BEND3: variants seen among roughly 807,000 people sequenced by gnomAD.
BEND3 encodes the protein BEN domain-containing protein 3.
BEND3 carries 13 observed loss-of-function variants against 60.1 expected under a neutral mutation model. The observed-to-expected ratio is 0.22, with a 90% CI of 0.14 to 0.34. The LOEUF is 0.34. BEND3 is among the 10% of genes least tolerant of loss of function. The pLI, the probability that BEND3 is intolerant of heterozygous loss-of-function variation, is 1.00. For missense variants in BEND3, 896 were observed against 1,138.1 expected, an observed-to-expected ratio of 0.79 and a Z score of 3.06; for synonymous variants, 497 against 491.5, an observed-to-expected ratio of 1.01 and a Z score of -0.15.
chr6:107,112,481 G>C (rs189100697), intron 1 of BEND3, among the ~76,000 whole-genome samples: 1 of 152,174 alleles, frequency 6.6e-6, no homozygotes, highest in Non-Finnish European at 1.5e-5. Context: ...TGGGCATGGA[G>C]AAGGTAGGCG....
chr6:107,093,545 G>GGGT (rs1554235537), intron 3 of BEND3, among the ~76,000 whole-genome samples: 1 of 151,752 alleles, frequency 6.6e-6, no homozygotes, highest in Non-Finnish European at 1.5e-5. Flanking sequence ...AATCAAGACA[G>GGGT]GGTGGTACTG....
chr6:107,097,241 C>T (rs1408884637), intron 3 of BEND3, among the ~76,000 whole-genome samples: 1 of 151,826 alleles, frequency 6.6e-6, no homozygotes, highest in Non-Finnish European at 1.5e-5. Context: ...GTGGCACACG[C>T]TTATAATCCC....
chr6:107,103,309 A>G (rs781924754), intron 1 of BEND3, among the ~76,000 whole-genome samples: 3 of 152,182 alleles, frequency 2.0e-5, no homozygotes, highest in Non-Finnish European at 4.4e-5. Context: ...GAGGGTCACA[A>G]GCTCTGCTCC....
At chr6:107,078,788 C>A (rs1554233124) in intron 3 of BEND3, among the ~76,000 whole-genome samples, 1 of 150,594 alleles carries the variant, frequency 6.6e-6, no homozygotes, top group African/African-American at 2.5e-5. Flanking sequence ...CCCAGATTCT[C>A]TGCTTGTTCT....
chr6:107,097,027 A>G (rs1365188672), intron 3 of BEND3, among the ~76,000 whole-genome samples: 2 of 152,148 alleles, frequency 1.3e-5, no homozygotes, highest in African/African-American at 4.8e-5. Flanking sequence ...ATTAAATTAT[A>G]TAACTTAAAT....
At chr6:107,107,878 G>T (rs1433408971) in intron 1 of BEND3, among the ~76,000 whole-genome samples, 1 of 152,176 alleles carries the variant, frequency 6.6e-6, no homozygotes, top group Non-Finnish European at 1.5e-5. Context: ...GGAGGGAGGG[G>T]GATGAAACCA....
Position 107,068,499 on chromosome 6 carries a change from G to C in BEND3, c.*205C>G, listed in dbSNP as rs1774878485. 1.6e-6 allele frequency: 1 copy of C among 607,672 alleles called. No individual in the cohort carries two copies. Among genetic ancestry groups the C allele is most frequent in the African/African-American group, 1.9e-5 (1 of 53,774 alleles). 37.6% of individuals were successfully genotyped at this position (607,672 alleles called of 1,614,324 possible). A position where few individuals can be genotyped will look rare whatever the true frequency, so the allele number is the denominator to read the frequency against. On this transcript the variant is annotated 3_prime_UTR_variant, in exon 4 of 4. Coordinates refer to ENST00000369042, the MANE Select transcript of BEND3 (RefSeq NM_001367314.1). The surrounding 1 kb of genome is among the most constrained non-coding windows in gnomAD (Gnocchi z 5.8). Reference sequence around the variant, plus strand: ...CCCCGCCGGGGCACATAGGACAGAAGTTGTAAGTACAAGAGACCAAACTCA... The same window carrying C: ...CCCCGCCGGGGCACATAGGACAGAACTTGTAAGTACAAGAGACCAAACTCA...
At chr6:107,095,255 G>A (rs1554235811) in intron 3 of BEND3, among the ~76,000 whole-genome samples, 1 of 152,148 alleles carries the variant, frequency 6.6e-6, no homozygotes, top group African/African-American at 2.4e-5. Context: ...GGGAGGCTGA[G>A]GCAAGAGGAT....
chr6:107,105,761 A>C (rs1182715961), intron 1 of BEND3, among the ~76,000 whole-genome samples: 4 of 152,198 alleles, frequency 2.6e-5, no homozygotes, highest in Non-Finnish European at 5.9e-5. Context: ...TAGATCAGAG[A>C]TGTCCTCGCC....
At position 107,085,282 on chromosome 6, in the gene BEND3, C is replaced by T. The variant is rs139769756; in HGVS notation, c.240+13269G>A. 7.9e-5 allele frequency among the ~76,000 whole-genome samples: 12 copies of T among 152,278 alleles called. No individual in the cohort carries two copies. In the East Asian group the frequency reaches 1.9e-3, roughly 25 times the overall value. On this transcript the variant is annotated intron_variant, in intron 3 of 3. Transcript: ENST00000369042. The stretch of plus-strand genomic sequence containing the variant: ...CTGTAACACTCACTGTGAGGGTCCA[C>T]GGCTTCATTCTTGAAGTCAGTGAGA...
chr6:107,106,706 C>T (rs1285659502), intron 1 of BEND3, among the ~76,000 whole-genome samples: 1 of 152,088 alleles, frequency 6.6e-6, no homozygotes, highest in East Asian at 1.9e-4. Flanking sequence ...AACTCCTGGG[C>T]TCAGATGATT....
In BEND3 at chr6:107,115,391, C is replaced by T. The variant is rs1770248765; in HGVS notation, c.-313G>A. ...CCTCCGCCCCCACCCCCGGCCCGCCCCTCCCCCTCAGCGGGGCACACGCGG... is the reference window on the plus strand; with the variant it reads ...CCTCCGCCCCCACCCCCGGCCCGCCTCTCCCCCTCAGCGGGGCACACGCGG... On this transcript the variant is annotated 5_prime_UTR_variant, in exon 1 of 4. Coordinates refer to ENST00000369042, the MANE Select transcript of BEND3 (RefSeq NM_001367314.1). 1 of 148,978 alleles carries T rather than the reference C, an allele frequency of 6.7e-6. No individual in the cohort carries two copies. Among genetic ancestry groups the T allele is most frequent in the East Asian group, 2.0e-4 (1 of 5,128 alleles). The allele number at this position is 148,978 out of a possible 1,614,324, so 9.2% of individuals were successfully genotyped here. A position where few individuals can be genotyped will look rare whatever the true frequency, so the allele number is the denominator to read the frequency against.
At position 107,068,857 on chromosome 6, in the gene BEND3, C is replaced by A. The variant is rs782053137; in HGVS notation, c.2334G>T (p.Arg778=). 6.2e-7 allele frequency: 1 copy of A among 1,614,020 alleles called. No individual in the cohort carries two copies. The highest frequency in any genetic ancestry group is 8.5e-7 in the Non-Finnish European group (1 of 1,180,038). The part of the protein sequence containing the change: ...NKKQLDPTRL[R]LIRHYVEAVY... ...CGGCTTCCACGTAGTGGCGGATGAG[C>A]CGCAGCCGCGTGGGGTCCAGTTGCT... is the stretch of plus-strand genomic sequence containing the variant. The change falls in exon 4 of 4, where the codon CGG becomes CGT. Residue 778 remains arginine (R), a synonymous_variant. Transcript: ENST00000369042. The surrounding 1 kb of genome is among the most constrained non-coding windows in gnomAD (Gnocchi z 5.8).
Position 107,115,275 on chromosome 6 carries a change from CG to C in BEND3, c.-198del, listed in dbSNP as rs1472979117. On this transcript the variant is annotated 5_prime_UTR_variant, in exon 1 of 4. An upstream open reading frame in the 5' UTR gains an earlier in-frame stop. Transcript: ENST00000369042. The stretch of plus-strand genomic sequence containing the variant: ...ATTTTCCCCTCTCTTTGTGTGTGTC[CG>C]TGCGCTGCGCTCTCGCGTGACGTGA... The C allele has an allele frequency of 6.0e-5, 9 of 149,668 alleles. No homozygotes were observed. The highest frequency in any genetic ancestry group is 2.2e-4 in the African/African-American group (9 of 41,114). 9.3% of individuals were successfully genotyped at this position (149,668 alleles called of 1,614,324 possible).
Position 107,068,591 on chromosome 6 carries a change from A to G in BEND3, c.*113T>C. On this transcript the variant is annotated 3_prime_UTR_variant, in exon 4 of 4. Transcript: ENST00000369042. The surrounding 1 kb of genome is among the most constrained non-coding windows in gnomAD (Gnocchi z 5.8). ...ATGTAGTAAGCCACTCCCCACGGACATAAGGTGCCTGTCTGTGGATGCCAT... is the reference window on the plus strand; with the variant it reads ...ATGTAGTAAGCCACTCCCCACGGACGTAAGGTGCCTGTCTGTGGATGCCAT... The G allele has an allele frequency of 1.7e-6, 2 of 1,196,472 alleles. No homozygotes were observed. Among genetic ancestry groups the G allele is most frequent in the East Asian group, 2.4e-5 (1 of 41,934 alleles). 74.1% of individuals were successfully genotyped at this position (1,196,472 alleles called of 1,614,324 possible). A position where few individuals can be genotyped will look rare whatever the true frequency, so the allele number is the denominator to read the frequency against.
intron 1 of BEND3, among the ~76,000 whole-genome samples, chr6:107,106,952 T>C (rs1775828945): frequency 6.6e-6 from 1 of 150,978 alleles, no homozygotes; most frequent in Admixed American, 6.6e-5. Context: ...TTTTTTTTTT[T>C]TTGAGACGGA....
intron 1 of BEND3, among the ~76,000 whole-genome samples, chr6:107,108,963 C>A (rs536768692): frequency 1.3e-5 from 2 of 152,212 alleles, no homozygotes; most frequent in Non-Finnish European, 2.9e-5. Context: ...TGCCACCACA[C>A]CTGGCTAATT....
intron 3 of BEND3, among the ~76,000 whole-genome samples, chr6:107,092,668 C>G (rs7773608): frequency 0.9 from 137,180 of 151,876 alleles, 62,025 homozygotes; most frequent in East Asian, 0.95. Context: ...TATACTATCG[C>G]GAAGGAAAAA....
In BEND3 at chr6:107,115,221, T is replaced by TGGG. The variant is rs1554239147; in HGVS notation, c.-146_-144dup. On this transcript the variant is annotated 5_prime_UTR_variant, in exon 1 of 4. Transcript: ENST00000369042. ...TGGCCAGGGCGGCCCGGGGAGGCGC[T>TGGG]GGGGGCGGCGGGCGGGCGAGCGCCG... 6.8e-6 allele frequency: 1 copy of TGGG among 146,028 alleles called. No individual in the cohort carries two copies. Among genetic ancestry groups the TGGG allele is most frequent in the East Asian group, 2.0e-4 (1 of 4,930 alleles). The allele number at this position is 146,028 out of a possible 1,614,324, so 9.0% of individuals were successfully genotyped here.
Sources: allele counts gnomAD v4.1 joint callset (sites outside exome capture counted in the v4.1 genomes callset), GRCh38; gene constraint gnomAD v4.1.1; non-coding constraint Gnocchi (gnomAD v3.1); transcripts MANE v1.5; gene names NCBI Gene and HGNC (gene_info 2026-07-23, HGNC 2026-07-21).